NTN1: variants seen among roughly 807,000 people sequenced by gnomAD.
NTN1 encodes netrin 1.
Under a neutral mutation model 54.2 loss-of-function variants are expected in NTN1, and 11 were observed. That is an observed-to-expected ratio of 0.20 (90% CI 0.13 to 0.34). The LOEUF (loss-of-function observed/expected upper bound fraction) is 0.34. Ranked by LOEUF, NTN1 falls within the 10% of genes least tolerant of loss-of-function variation. The probability of loss-of-function intolerance (pLI) is 1.00; values close to 1 mark genes in which losing one functional copy is unlikely to be tolerated. For synonymous variants in NTN1, 371 were observed against 382.0 expected (o/e 0.97, Z 0.33); for missense variants, 740 against 893.1 (o/e 0.83, Z 2.18).
At chr17:9,148,306 C>G (rs2092319151) in intron 2 of NTN1, among the ~76,000 whole-genome samples, 1 of 152,160 alleles carries the variant, frequency 6.6e-6, no homozygotes, top group African/African-American at 2.4e-5. Flanking sequence ...CAAATAGGAA[C>G]TGAAGAAGCA....
chr17:9,015,580 G>A, the NTN1 span, among the ~76,000 whole-genome samples: 16 of 152,092 alleles, frequency 1.1e-4, no homozygotes, highest in African/African-American at 3.6e-4. Context: ...TTCCTGGAGT[G>A]TACCCTCCCC....
intron 2 of NTN1, among the ~76,000 whole-genome samples, chr17:9,066,115 A>T (rs1217212605): frequency 1.3e-5 from 2 of 152,228 alleles, no homozygotes; most frequent in African/African-American, 4.8e-5. Context: ...CAAGAAGATC[A>T]CTAGTTGTAT....
chr17:9,153,855 T>G (rs995072551), intron 2 of NTN1, among the ~76,000 whole-genome samples: 5 of 152,230 alleles, frequency 3.3e-5, no homozygotes, highest in African/African-American at 9.6e-5. Context: ...TTACCTCGCC[T>G]GGCTCTCATG....
chr17:9,169,758 G>C (rs960661174), intron 3 of NTN1, among the ~76,000 whole-genome samples: 2 of 152,204 alleles, frequency 1.3e-5, no homozygotes, highest in Admixed American at 6.5e-5. Flanking sequence ...CCAGCTACTC[G>C]GGAGGCTGAG....
At chr17:9,095,122 T>C (rs986505810) in intron 2 of NTN1, among the ~76,000 whole-genome samples, 2 of 152,186 alleles carry the variant, frequency 1.3e-5, no homozygotes, top group Non-Finnish European at 2.9e-5. Context: ...TCAGGACCTT[T>C]GTGTATTTTT....
chr17:9,195,316 C>T (rs986426712), intron 5 of NTN1, among the ~76,000 whole-genome samples: 1 of 152,054 alleles, frequency 6.6e-6, no homozygotes, highest in Admixed American at 6.6e-5. Flanking sequence ...GTGGAGCTGC[C>T]ACCAGCCTCG....
chr17:9,122,038 ATTT>A (rs36009443), intron 2 of NTN1, among the ~76,000 whole-genome samples: 7 of 138,580 alleles, frequency 5.1e-5, no homozygotes, highest in Non-Finnish European at 3.1e-5. Flanking sequence ...TCTGAGTTAC[ATTT>A]TTTTTTTTTT....
chr17:9,187,654 CAAAA>C (rs763852001), intron 5 of NTN1, among the ~76,000 whole-genome samples: 2 of 52,904 alleles, frequency 3.8e-5, no homozygotes, highest in Non-Finnish European at 6.4e-5. Flanking sequence ...CTCATCTCTC[CAAAA>C]AAAAAAAAAA....
intron 2 of NTN1, among the ~76,000 whole-genome samples, chr17:9,098,571 G>A (rs1045864953): frequency 3.3e-5 from 5 of 152,224 alleles, no homozygotes; most frequent in African/African-American, 1.2e-4. Context: ...GGTTCCTGTG[G>A]CGTCAGACAC....
intron 2 of NTN1, among the ~76,000 whole-genome samples, chr17:9,105,070 G>A (rs1424653443): frequency 2.0e-5 from 3 of 152,196 alleles, no homozygotes; most frequent in Admixed American, 1.3e-4. Context: ...GGCAGTCCAA[G>A]GACAGGTGTT....
chr17:9,148,115 G>C (rs2092318761), intron 2 of NTN1, among the ~76,000 whole-genome samples: 1 of 152,178 alleles, frequency 6.6e-6, no homozygotes, highest in South Asian at 2.1e-4. Flanking sequence ...GGCGTGGTCT[G>C]TCTGTTTGGC....
intron 2 of NTN1, among the ~76,000 whole-genome samples, chr17:9,078,405 G>A (rs1037685807): frequency 2.0e-5 from 3 of 152,204 alleles, no homozygotes; most frequent in Non-Finnish European, 4.4e-5. Flanking sequence ...ATGGCACAAA[G>A]GCTGGTACAT....
intron 2 of NTN1, among the ~76,000 whole-genome samples, chr17:9,085,815 G>T (rs143531051): frequency 3.3e-5 from 5 of 152,140 alleles, no homozygotes; most frequent in Admixed American, 1.3e-4. Context: ...CATTCAAGGC[G>T]CTGGGGATTC....
At chr17:9,083,069 A>G (rs1437438831) in intron 2 of NTN1, among the ~76,000 whole-genome samples, 1 of 150,980 alleles carries the variant, frequency 6.6e-6, no homozygotes, top group Non-Finnish European at 1.5e-5. Context: ...GTGTTCTGCC[A>G]TTGGCCTTGG....
chr17:9,034,996 G>A (rs971197050), intron 2 of NTN1, among the ~76,000 whole-genome samples: 1 of 152,086 alleles, frequency 6.6e-6, no homozygotes, highest in Non-Finnish European at 1.5e-5. Context: ...GCCCAGGCTG[G>A]AGTGCAGTGG....
chr17:9,238,760 C>G (rs1327745205), intron 6 of NTN1, among the ~76,000 whole-genome samples: 2 of 152,232 alleles, frequency 1.3e-5, no homozygotes, highest in Non-Finnish European at 2.9e-5. Context: ...TTTTTGAAAT[C>G]TCCCTTACTA....
chr17:9,116,565 G>A (rs890933338), intron 2 of NTN1, among the ~76,000 whole-genome samples: 1 of 152,152 alleles, frequency 6.6e-6, no homozygotes, highest in Admixed American at 6.5e-5. Flanking sequence ...TAAAATCCCA[G>A]GGCTTTCTGT....
chr17:9,168,132 C>G (rs2092377877), intron 3 of NTN1, among the ~76,000 whole-genome samples: 1 of 151,888 alleles, frequency 6.6e-6, no homozygotes, highest in Admixed American at 6.6e-5. Flanking sequence ...GCAGCCTAGA[C>G]CCCAGGTTTA....
intron 5 of NTN1, among the ~76,000 whole-genome samples, chr17:9,194,464 G>A (rs958340075): frequency 3.9e-5 from 6 of 152,228 alleles, no homozygotes; most frequent in Non-Finnish European, 8.8e-5. Flanking sequence ...AGAGGGTGTG[G>A]AAACGGAAAG....
Sources: allele counts gnomAD v4.1 joint callset (sites outside exome capture counted in the v4.1 genomes callset), GRCh38; gene constraint gnomAD v4.1.1; transcripts MANE v1.5; gene names NCBI Gene and HGNC (gene_info 2026-07-23, HGNC 2026-07-21).